GCG: variants seen among roughly 807,000 people sequenced by gnomAD.
The protein encoded by GCG is glucagon, also known as pro-glucagon.
Under a neutral mutation model 22.8 loss-of-function variants are expected in GCG, and 11 were observed. The ratio of observed to expected loss-of-function variants is 0.48; its 90% confidence interval spans 0.30 to 0.80. GCG has a LOEUF of 0.80. Ranked by LOEUF, GCG falls within the 30% of genes least tolerant of loss-of-function variation. The probability of loss-of-function intolerance (pLI) is 0.06; values close to 1 mark genes in which losing one functional copy is unlikely to be tolerated. For synonymous variants in GCG, 89 were observed against 72.4 expected, an observed-to-expected ratio of 1.23 and a Z score of -1.16; for missense variants, 222 against 222.0, an observed-to-expected ratio of 1.00 and a Z score of 0.00.
At chr2:162,145,467 A>G (rs944392302) in intron 4 of GCG, 73 bp downstream of exon 4, 95 of 1,215,888 alleles carry the variant, frequency 7.8e-5, no homozygotes, top group Non-Finnish European at 1.1e-4. Flanking sequence ...ATCCAGATCC[A>G]TATATAGATA....
chr2:162,145,423 T>G (rs1686659252), intron 4 of GCG, 117 bp downstream of exon 4: 2 of 863,792 alleles, frequency 2.3e-6, no homozygotes, highest in Admixed American at 5.5e-5. Context: ...AGGAATTATT[T>G]CCTTACTTTG....
At chr2:162,143,878 A>G in intron 5 of GCG, 149 bp downstream of exon 5, 1 of 684,212 alleles carries the variant, frequency 1.5e-6, no homozygotes, top group African/African-American at 1.8e-5. Context: ...ATAATGATGT[A>G]CTCTTATATG....
At position 162,147,389 on chromosome 2, in the gene GCG, T is replaced by C. The variant is rs1406179069; in HGVS notation, c.218A>G (p.Asp73Gly). Residue 73 changes from aspartate (D) to glycine (G), a missense_variant, in exon 3 of 6, where the codon GAT becomes GGT. Asp to Gly is a moderately conservative substitution (Grantham distance 94). Coordinates refer to ENST00000418842, the MANE Select transcript of GCG (RefSeq NM_002054.5). ...SKYLDSRRAQDFVQWLMNTKR... is the reference protein window; with the variant it reads ...SKYLDSRRAQGFVQWLMNTKR... Reference sequence around the variant, plus strand: ...GGTATTCATCAACCACTGCACAAAATCTTGGGCACGCCTGGAGTCCAGATA... The same window carrying C: ...GGTATTCATCAACCACTGCACAAAACCTTGGGCACGCCTGGAGTCCAGATA... 3.7e-6 allele frequency: 6 copies of C among 1,613,140 alleles called. No individual in the cohort carries two copies. Among genetic ancestry groups the C allele is most frequent in the Non-Finnish European group, 4.2e-6 (5 of 1,179,400 alleles).
intron 2 of GCG, 146 bp downstream of exon 2, chr2:162,148,941 G>T: frequency 1.7e-6 from 1 of 581,646 alleles, no homozygotes. Flanking sequence ...AACAAAGTCT[G>T]CTTTTATCAC....
chr2:162,143,660 A>G (rs1391780173), intron 5 of GCG, among the ~76,000 whole-genome samples: 1 of 152,186 alleles, frequency 6.6e-6, no homozygotes, highest in Non-Finnish European at 1.5e-5. Flanking sequence ...TTATTAAATT[A>G]AGTATGTAAT....
At chr2:162,150,771 T>A (rs1013346465) in intron 1 of GCG, among the ~76,000 whole-genome samples, 3 of 151,968 alleles carry the variant, frequency 2.0e-5, no homozygotes, top group African/African-American at 4.8e-5. Context: ...GAAAAAAAAA[T>A]TCATTCCACC....
At chr2:162,151,869 A>G (rs994417549) in intron 1 of GCG, among the ~76,000 whole-genome samples, 5 of 152,068 alleles carry the variant, frequency 3.3e-5, no homozygotes, top group African/African-American at 7.2e-5. Context: ...TTAAAATACA[A>G]CTCTCATAAC....
chr2:162,145,412 T>C (rs760314205), intron 4 of GCG, 128 bp downstream of exon 4: 289 of 797,108 alleles, frequency 3.6e-4, no homozygotes, highest in Non-Finnish European at 5.2e-4. Flanking sequence ...TTTTCATCAA[T>C]AGGAATTATT....
intron 3 of GCG, among the ~76,000 whole-genome samples, chr2:162,146,539 TCTCTC>T (rs1404606983): frequency 1.2e-4 from 1 of 8,588 alleles, no homozygotes; most frequent in East Asian, 0.02. Context: ...GCTTGCTTGT[TCTCTC>T]TCTCTCTCTC....
intron 1 of GCG, among the ~76,000 whole-genome samples, chr2:162,150,655 T>C (rs1398032685): frequency 1.3e-5 from 2 of 152,176 alleles, no homozygotes; most frequent in Non-Finnish European, 2.9e-5. Context: ...TCAATTGTTA[T>C]ATCCGTGCTT....
chr2:162,146,365 C>T (rs969674182), intron 3 of GCG, among the ~76,000 whole-genome samples: 6 of 152,104 alleles, frequency 3.9e-5, no homozygotes, highest in African/African-American at 1.4e-4. Context: ...AAAATGAGGA[C>T]AGTTGTTTGC....
At chr2:162,148,513 T>C (rs1686751434) in intron 2 of GCG, among the ~76,000 whole-genome samples, 2 of 152,000 alleles carry the variant, frequency 1.3e-5, no homozygotes, top group Admixed American at 6.6e-5. Flanking sequence ...AAGTGTATAA[T>C]AATACAATGT....
In GCG at chr2:162,144,170, A is replaced by G; in HGVS notation, c.393T>C (p.Asp131=). The G allele has an allele frequency of 6.2e-7, 1 of 1,608,822 alleles. No individual in the cohort carries two copies. The highest frequency in any genetic ancestry group is 8.5e-7 in the Non-Finnish European group (1 of 1,175,550). Residue 131 remains aspartate, a splice_region_variant and synonymous_variant, in exon 5 of 6, where the codon GAT becomes GAC. Transcript: ENST00000418842. ...CAACAATGGCGACCTCTTCTGGGAA[A>G]CTAAGAAAATAAGTGTTAAAATTAG... is the stretch of plus-strand genomic sequence containing the variant. ...AWLVKGRGRR[D]FPEEVAIVEE... is the part of the protein sequence containing the mutation.
chr2:162,149,537 T>C (rs1198033568), intron 1 of GCG, among the ~76,000 whole-genome samples: 1 of 152,142 alleles, frequency 6.6e-6, no homozygotes, highest in Non-Finnish European at 1.5e-5. Flanking sequence ...ATATGCTACA[T>C]ATGGTTAGCC....
intron 4 of GCG, chr2:162,144,952 C>A (rs1686643581): frequency 6.6e-6 from 1 of 151,912 alleles, no homozygotes; most frequent in Non-Finnish European, 1.5e-5. Flanking sequence ...TATGACAGCC[C>A]CATACAAAAT....
chr2:162,147,470 T>C lies in GCG; in HGVS notation c.137A>G (p.Gln46Arg), dbSNP rs749317102. ...TGAATGGCGCTTGTCCTCGTTCATCTGATCAGGATCACTGAGTGGGTCTGC... is the reference window on the plus strand; with the variant it reads ...TGAATGGCGCTTGTCCTCGTTCATCCGATCAGGATCACTGAGTGGGTCTGC... ...SQADPLSDPD[Q>R]MNEDKRHSQG... Residue 46 changes from glutamine to arginine, a missense_variant, in exon 3 of 6, where the codon CAG becomes CGG. By Grantham distance (43) the Gln-to-Arg change is conservative (BLOSUM62 1). Coordinates refer to ENST00000418842, the MANE Select transcript of GCG (RefSeq NM_002054.5). The C allele has an allele frequency of 4.3e-6, 7 of 1,613,150 alleles. No individual in the cohort carries two copies. Among genetic ancestry groups the C allele is most frequent in the African/African-American group, 1.3e-5 (1 of 74,852 alleles).
Position 162,147,399 on chromosome 2 carries a change from G to A in GCG, c.208C>T (p.Arg70Cys), listed in dbSNP as rs745902596. 15 of 1,612,952 alleles carry A rather than the reference G, an allele frequency of 9.3e-6. No individual in the cohort carries two copies. The highest frequency in any genetic ancestry group is 8.9e-5 in the East Asian group (4 of 44,886). ...AACCACTGCACAAAATCTTGGGCAC[G>A]CCTGGAGTCCAGATACTTGCTGTAG... ...SDYSKYLDSR[R>C]AQDFVQWLMN... Residue 70 changes from arginine (R) to cysteine (C), a missense_variant, in exon 3 of 6, where the codon CGT (arginine) becomes TGT (cysteine). Transcript: ENST00000418842.
rs928777230 is a variant in GCG at position 162,147,344 on chromosome 2, G to A, written c.254+9C>T. Reference sequence around the variant, plus strand: ...ATAAGCAAGTTTTGAGCCAGGCTTAGACTCTTACCTGTTCCTCTTGGTATT... The same window carrying A: ...ATAAGCAAGTTTTGAGCCAGGCTTAAACTCTTACCTGTTCCTCTTGGTATT... On this transcript the variant is annotated intron_variant, in intron 3 of 5. Coordinates refer to ENST00000418842, the MANE Select transcript of GCG (RefSeq NM_002054.5). 5 of 1,608,040 alleles carry A rather than the reference G, an allele frequency of 3.1e-6. No individual in the cohort carries two copies. In the African/African-American group the frequency reaches 6.7e-5, roughly 22 times the overall value.
chr2:162,149,254 A>G (rs1213784685), intron 1 of GCG, 67 bp from the exon 2 acceptor site: 3 of 839,452 alleles, frequency 3.6e-6, no homozygotes, highest in Admixed American at 3.9e-5. Context: ...TGTCAGGCTA[A>G]ATTAATTAGA....
Sources: allele counts gnomAD v4.1 joint callset (sites outside exome capture counted in the v4.1 genomes callset), GRCh38; gene constraint gnomAD v4.1.1; transcripts MANE v1.5; gene names NCBI Gene and HGNC (gene_info 2026-07-23, HGNC 2026-07-21).